Variants in USP12 observed in about 807,000 individuals in gnomAD.
USP12 encodes ubiquitin carboxyl-terminal hydrolase 12.
Under a neutral mutation model 45.5 loss-of-function variants are expected in USP12, and 19 were observed. The ratio of observed to expected loss-of-function variants is 0.42; its 90% CI spans 0.29 to 0.61. The LOEUF is 0.61. Ranked by LOEUF, USP12 falls within the 20% of genes least tolerant of loss-of-function variation. The pLI is 0.22. For missense variants in USP12, 242 were observed against 447.7 expected (o/e 0.54, Z 4.15); for synonymous variants, 149 against 148.8 (o/e 1.00, Z -0.01).
chr13:27,081,253 G>A (rs1036025649), intron 6 of USP12, among the ~76,000 whole-genome samples: 3 of 152,076 alleles, frequency 2.0e-5, no homozygotes, highest in African/African-American at 7.2e-5. Context: ...AAACCCTGAC[G>A]CTGCTATCAA....
intron 1 of USP12, among the ~76,000 whole-genome samples, chr13:27,127,605 A>T (rs1876302161): frequency 6.6e-6 from 1 of 152,052 alleles, no homozygotes; most frequent in African/African-American, 2.4e-5. Context: ...CCATTCTCCC[A>T]CCTACCCTCC....
At chr13:27,075,639 A>G (rs1409684377) in intron 6 of USP12, among the ~76,000 whole-genome samples, 1 of 152,172 alleles carries the variant, frequency 6.6e-6, no homozygotes, top group African/African-American at 2.4e-5. Flanking sequence ...ATATGGCTCC[A>G]AAACAGATGG....
chr13:27,091,249 T>C (rs1452882328), intron 4 of USP12, among the ~76,000 whole-genome samples: 1 of 152,168 alleles, frequency 6.6e-6, no homozygotes, highest in Non-Finnish European at 1.5e-5. Flanking sequence ...ATGGCAGAGG[T>C]AGGCTAGCCA....
At chr13:27,089,270 A>G (rs1317687876) in intron 6 of USP12, among the ~76,000 whole-genome samples, 2 of 152,224 alleles carry the variant, frequency 1.3e-5, no homozygotes, top group Non-Finnish European at 2.9e-5. Context: ...ATGTGCACAC[A>G]TAGGAAAACG....
intron 1 of USP12, among the ~76,000 whole-genome samples, chr13:27,119,522 T>C (rs887798969): frequency 2.0e-5 from 3 of 152,254 alleles, no homozygotes; most frequent in African/African-American, 7.2e-5. Context: ...GTTCCAAATT[T>C]ATCTGTTGGG....
At chr13:27,088,628 T>A (rs989163757) in intron 6 of USP12, among the ~76,000 whole-genome samples, 5 of 152,140 alleles carry the variant, frequency 3.3e-5, no homozygotes, top group African/African-American at 4.8e-5. Context: ...AGAGGGTACC[T>A]ACATGACTAG....
At chr13:27,073,606 C>T (rs750208595) in intron 7 of USP12, among the ~76,000 whole-genome samples, 1 of 152,126 alleles carries the variant, frequency 6.6e-6, no homozygotes, top group Non-Finnish European at 1.5e-5. Context: ...TTCTAAAAAT[C>T]TAGCATGATT....
chr13:27,107,903 G>A (rs1875221664), intron 2 of USP12, among the ~76,000 whole-genome samples: 1 of 151,902 alleles, frequency 6.6e-6, no homozygotes, highest in Non-Finnish European at 1.5e-5. Context: ...GAGAGGATGT[G>A]GAGAAATAGG....
chr13:27,147,773 T>A lies in USP12; in HGVS notation c.48+23819A>T, dbSNP rs547181977. Among the ~76,000 whole-genome samples the A allele has an allele frequency of 2.7e-3, 405 of 151,828 alleles. 3 individuals are homozygous for A. Among genetic ancestry groups the A allele is most frequent in the African/African-American group, 9.3e-3 (385 of 41,400 alleles). On this transcript the variant is annotated intron_variant, in intron 1 of 8. Transcript: ENST00000282344. Reference sequence around the variant, plus strand: ...GCGCTCAAAGAAAGGAAAAAAAAAATTTTAAAAAACCGTCAACCAACAATG... The same window carrying A: ...GCGCTCAAAGAAAGGAAAAAAAAAAATTTAAAAAACCGTCAACCAACAATG...
intron 1 of USP12, among the ~76,000 whole-genome samples, chr13:27,166,526 TCATGGTAGGG>T (rs1878352822): frequency 6.6e-6 from 1 of 152,152 alleles, no homozygotes. Context: ...CCAACATGGA[TCATGGTAGGG>T]CAGATAATTA....
intron 3 of USP12, among the ~76,000 whole-genome samples, chr13:27,098,029 A>G (rs968008913): frequency 6.9e-6 from 1 of 145,270 alleles, no homozygotes; most frequent in Non-Finnish European, 1.5e-5. Flanking sequence ...CTTGTTGCCC[A>G]GGATGGAGTG....
intron 1 of USP12, among the ~76,000 whole-genome samples, chr13:27,145,737 A>G (rs567683423): frequency 6.6e-6 from 1 of 152,270 alleles, no homozygotes; most frequent in South Asian, 2.1e-4. Flanking sequence ...TTATCAACAA[A>G]AGTCTGTAAC....
intron 1 of USP12, among the ~76,000 whole-genome samples, chr13:27,146,650 CT>C (rs754260464): frequency 6.6e-6 from 1 of 152,190 alleles, no homozygotes; most frequent in African/African-American, 2.4e-5. Flanking sequence ...CCAATTGCTA[CT>C]CCCCTTGAAA....
At chr13:27,103,293 T>C (rs1874955824) in intron 3 of USP12, among the ~76,000 whole-genome samples, 1 of 152,134 alleles carries the variant, frequency 6.6e-6, no homozygotes, top group Admixed American at 6.5e-5. Context: ...TATTAAATCC[T>C]CTTTGATTTG....
At position 27,067,647 on chromosome 13, in the gene USP12, T is replaced by C. The variant is rs1873058293; in HGVS notation, c.*1636A>G. On this transcript the variant is annotated 3_prime_UTR_variant, in exon 9 of 9. Coordinates refer to ENST00000282344, the MANE Select transcript of USP12 (RefSeq NM_182488.4). ...TTCCTGAGCCAAAAGATACAGATAA[T>C]AAATGTTAATAATAGCAGCAGACTA... 6.6e-6 allele frequency: 1 copy of C among 152,160 alleles called. No homozygotes were observed. Among genetic ancestry groups the C allele is most frequent in the African/African-American group, 2.4e-5 (1 of 41,432 alleles). The allele number at this position is 152,160 out of a possible 1,614,324, so 9.4% of individuals were successfully genotyped here. A position where few individuals can be genotyped will look rare whatever the true frequency, so the allele number is the denominator to read the frequency against.
chr13:27,113,439 C>T (rs1397686441), intron 2 of USP12, among the ~76,000 whole-genome samples: 1 of 152,186 alleles, frequency 6.6e-6, no homozygotes, highest in Admixed American at 6.5e-5. Flanking sequence ...CCCTCTTGCA[C>T]CAACCAGTTC....
At chr13:27,087,606 T>G (rs902339499) in intron 6 of USP12, among the ~76,000 whole-genome samples, 1 of 152,194 alleles carries the variant, frequency 6.6e-6, no homozygotes, top group African/African-American at 2.4e-5. Flanking sequence ...GACATCCCAA[T>G]AGCAACGAGC....
intron 3 of USP12, among the ~76,000 whole-genome samples, chr13:27,101,283 A>G (rs1874851672): frequency 6.6e-6 from 1 of 152,276 alleles, no homozygotes; most frequent in South Asian, 2.1e-4. Context: ...CTGTATAAAC[A>G]TCAAAATAAC....
chr13:27,153,683 A>G (rs1043060170), intron 1 of USP12, among the ~76,000 whole-genome samples: 23 of 152,268 alleles, frequency 1.5e-4, no homozygotes, highest in African/African-American at 5.3e-4. Flanking sequence ...CTGGATGTGA[A>G]TTTAAGTCTC....
Sources: gnomAD v4.1 joint callset for allele counts (sites outside exome capture counted in the v4.1 genomes callset) on GRCh38, gnomAD v4.1.1 for gene constraint, MANE v1.5 for transcripts, NCBI Gene and HGNC (gene_info 2026-07-23, HGNC 2026-07-21) for gene names.